Variants in SPTBN4 observed in about 807,000 individuals in gnomAD.
The protein encoded by SPTBN4 is spectrin beta chain, non-erythrocytic 4.
In SPTBN4, 96 loss-of-function variants were observed where a neutral mutation model predicts 277.8. That is an observed-to-expected ratio of 0.35 (90% CI 0.29 to 0.41). The LOEUF (loss-of-function observed/expected upper bound fraction) is 0.41, where lower values mean the gene tolerates loss of function less well. SPTBN4 is among the 10% of genes least tolerant of loss of function. The pLI is 1.00. For missense variants in SPTBN4, 3,006 were observed against 3,595.7 expected (o/e 0.84, Z 4.19); for synonymous variants, 1,481 against 1,580.3 (o/e 0.94, Z 1.49).
intron 30 of SPTBN4, 22 bp from the exon 31 acceptor site, chr19:40,567,641 A>G: frequency 1.4e-6 from 2 of 1,476,728 alleles, no homozygotes; most frequent in Non-Finnish European, 9.0e-7. Context: ...CTCCAACCTA[A>G]CCCTGGTCCC....
Position 40,504,145 on chromosome 19 carries a change from G to GC in SPTBN4, c.1665+13_1665+14insC. On this transcript the variant is annotated intron_variant, in intron 12 of 35. Transcript: ENST00000598249. ...GGAGGAGATGCAGGTGCCGGCGGGGGGGCGGGGATGCGGGTGGAGTGCCAG... is the reference window on the plus strand; with the variant it reads ...GGAGGAGATGCAGGTGCCGGCGGGGGCGGCGGGGATGCGGGTGGAGTGCCAG... The GC allele has an allele frequency of 8.4e-7, 1 of 1,188,250 alleles. No individual in the cohort carries two copies. Among genetic ancestry groups the GC allele is most frequent in the African/African-American group, 1.8e-5 (1 of 54,932 alleles). The allele number at this position is 1,188,250 out of a possible 1,614,324, so 73.6% of individuals were successfully genotyped here.
chr19:40,574,305 G>C (rs568620590), intron 35 of SPTBN4, among the ~76,000 whole-genome samples: 2 of 152,116 alleles, frequency 1.3e-5, no homozygotes, highest in African/African-American at 4.8e-5. Flanking sequence ...GAGATGTTGA[G>C]AGTAATAACT....
At chr19:40,530,690 G>T in intron 18 of SPTBN4, 1 of 542,738 alleles carries the variant, frequency 1.8e-6, no homozygotes, top group Non-Finnish European at 2.3e-6. Context: ...CCGCGGGAGG[G>T]AGGGGCGGGG....
In SPTBN4 at chr19:40,503,989, G is replaced by T. The variant is rs780153187; in HGVS notation, c.1522G>T (p.Ala508Ser). The change falls in exon 12 of 36, where the codon GCC (alanine) becomes TCC (serine). Residue 508 changes from alanine (A) to serine (S), a missense_variant. Ala to Ser is a moderately conservative substitution (Grantham distance 99). Coordinates refer to ENST00000598249, the MANE Select transcript of SPTBN4 (RefSeq NM_020971.3). ...CTACTACGATATCCGGCGGGTGGCA[G>T]CCCAGCGTGACAGCGTCCTGCGCCA... is the stretch of plus-strand genomic sequence containing the variant. ...EGYYDIRRVAAQRDSVLRQWA... is the reference protein window; with the variant it reads ...EGYYDIRRVASQRDSVLRQWA... 6.2e-7 allele frequency: 1 copy of T among 1,613,978 alleles called. No homozygotes were observed. The highest frequency in any genetic ancestry group is 1.1e-5 in the South Asian group (1 of 91,082).
At chr19:40,517,445 A>T (rs2080473750) in intron 15 of SPTBN4, among the ~76,000 whole-genome samples, 1 of 152,030 alleles carries the variant, frequency 6.6e-6, no homozygotes. Flanking sequence ...ATGGATGCAC[A>T]CCACTGCACC....
At chr19:40,482,833 T>C (rs1354548752) in intron 2 of SPTBN4, among the ~76,000 whole-genome samples, 1 of 151,942 alleles carries the variant, frequency 6.6e-6, no homozygotes, top group Non-Finnish European at 1.5e-5. Context: ...TCGTGGCGCA[T>C]GCCTGTAATC....
At chr19:40,536,091 GGAACAA>G (rs776001164) in intron 20 of SPTBN4, among the ~76,000 whole-genome samples, 3 of 152,108 alleles carry the variant, frequency 2.0e-5, no homozygotes, top group Non-Finnish European at 4.4e-5. Flanking sequence ...TCTGGTTGGG[GGAACAA>G]GCAAAAGAAC....
chr19:40,541,821 T>G (rs2080805315), intron 20 of SPTBN4, among the ~76,000 whole-genome samples: 1 of 152,206 alleles, frequency 6.6e-6, no homozygotes, highest in Non-Finnish European at 1.5e-5. Flanking sequence ...CTTGGCTCAC[T>G]GCAATCTCCG....
At chr19:40,489,653 G>A (rs1457034998) in intron 3 of SPTBN4, among the ~76,000 whole-genome samples, 1 of 152,182 alleles carries the variant, frequency 6.6e-6, no homozygotes, top group African/African-American at 2.4e-5. Context: ...CTCCCAAAGT[G>A]CTGGGATTAC....
chr19:40,560,830 G>A lies in SPTBN4; in HGVS notation c.5915+427G>A, dbSNP rs1452528225. The A allele has an allele frequency of 1.1e-6, 1 of 872,364 alleles. No homozygotes were observed. Among genetic ancestry groups the A allele is most frequent in the Admixed American group, 4.8e-5 (1 of 20,672 alleles). 54.0% of individuals were successfully genotyped at this position (872,364 alleles called of 1,614,324 possible). A position where few individuals can be genotyped will look rare whatever the true frequency, so the allele number is the denominator to read the frequency against. On this transcript the variant is annotated intron_variant, in intron 27 of 35. Transcript: ENST00000598249. This position sits in a 1 kb window ranked among gnomAD's most constrained non-coding sequence, Gnocchi z 5.2. The stretch of plus-strand genomic sequence containing the variant: ...GGATGTGAGTGTCCAGCAGAATCCT[G>A]TCCCCTGGTGATTGGGAGCCAGGGT...
At chr19:40,527,835 C>T (rs749632764) in intron 17 of SPTBN4, among the ~76,000 whole-genome samples, 7 of 152,098 alleles carry the variant, frequency 4.6e-5, no homozygotes, top group Non-Finnish European at 1.0e-4. Context: ...GCGGGTGGAT[C>T]ACTTGAGGTC....
chr19:40,484,406 A>G (rs1489485086), intron 2 of SPTBN4, among the ~76,000 whole-genome samples: 2 of 152,194 alleles, frequency 1.3e-5, no homozygotes, highest in Non-Finnish European at 1.5e-5. Flanking sequence ...TAAGCTGCCA[A>G]CAAATCGACT....
chr19:40,529,555 G>T (rs1394370588), intron 18 of SPTBN4, among the ~76,000 whole-genome samples: 2 of 152,154 alleles, frequency 1.3e-5, no homozygotes, highest in Non-Finnish European at 2.9e-5. Flanking sequence ...CCAAGCCCTC[G>T]CCCCTTTAAA....
At position 40,576,076 on chromosome 19, in the gene SPTBN4, G is replaced by A. The variant is rs566354053; in HGVS notation, c.*507G>A. Reference sequence around the variant, plus strand: ...TGCTGCCTTGATCTCTGTCTGGGAGGGGGGAGTGAAGGGGCCCTAGCCCCC... The same window carrying A: ...TGCTGCCTTGATCTCTGTCTGGGAGAGGGGAGTGAAGGGGCCCTAGCCCCC... On this transcript the variant is annotated 3_prime_UTR_variant, in exon 36 of 36. Transcript: ENST00000598249. The A allele has an allele frequency of 6.5e-6, 1 of 152,976 alleles. No individual in the cohort carries two copies. The highest frequency in any genetic ancestry group is 6.5e-5 in the Admixed American group (1 of 15,292). The allele number at this position is 152,976 out of a possible 1,614,324, so 9.5% of individuals were successfully genotyped here. A position where few individuals can be genotyped will look rare whatever the true frequency, so the allele number is the denominator to read the frequency against.
chr19:40,502,021 G>A lies in SPTBN4; in HGVS notation c.885G>A (p.Lys295=). The stretch of plus-strand genomic sequence containing the variant: ...TGAAGGCTCTGGCTGTGGAGGGGAA[G>A]CGTATCGGGAAGGTATAAGGAGCCA... ...SKMKALAVEG[K]RIGKVLDQVL... is the part of the protein sequence containing the mutation. The change falls in exon 8 of 36, where the codon AAG becomes AAA. Residue 295 remains lysine (K), a synonymous_variant. Transcript: ENST00000598249. This position sits in a 1 kb window ranked among gnomAD's most constrained non-coding sequence, Gnocchi z 4.9. The A allele has an allele frequency of 1.2e-6, 2 of 1,614,218 alleles. No homozygotes were observed. The highest frequency in any genetic ancestry group is 1.7e-6 in the Non-Finnish European group (2 of 1,180,044).
At chr19:40,472,914 G>A in intron 2 of SPTBN4, 124 bp downstream of exon 2, 3 of 979,766 alleles carry the variant, frequency 3.1e-6, no homozygotes, top group South Asian at 1.9e-5. Flanking sequence ...TTCCATGATG[G>A]TGGAAATAGT....
In SPTBN4 at chr19:40,572,058, A is replaced by C; in HGVS notation, c.7359A>C (p.Glu2453Asp). Residue 2453 changes from glutamate to aspartate, a missense_variant, in exon 34 of 36, where the codon GAA becomes GAC. Physicochemically the swap from Glu to Asp is conservative, Grantham distance 45 (BLOSUM62 2). This residue lies in a region of SPTBN4 where 630 missense variants were observed against 677.6 expected (regional missense o/e 0.93). Transcript: ENST00000598249. ...VSLYCVLSKG[E>D]LGFYKDSKGP... ...TGTACTGTGTGCTTAGTAAGGGGGA[A>C]CTGGGCTTCTACAAGGACTCCAAGG... The C allele has an allele frequency of 6.2e-7, 1 of 1,607,578 alleles. No homozygotes were observed. The highest frequency in any genetic ancestry group is 1.1e-5 in the South Asian group (1 of 90,246).
chr19:40,531,526 G>C (rs2145896701), intron 18 of SPTBN4, among the ~76,000 whole-genome samples: 1 of 126,578 alleles, frequency 7.9e-6, no homozygotes, highest in South Asian at 3.1e-4. Flanking sequence ...AGGATCTTGT[G>C]ACTGGAGTGG....
intron 29 of SPTBN4, 151 bp downstream of exon 29, chr19:40,565,896 G>A: frequency 1.1e-6 from 1 of 942,598 alleles, no homozygotes; most frequent in East Asian, 2.7e-5. Flanking sequence ...GTGGACAAGG[G>A]GGCTGCCTTG....
Sources: gnomAD v4.1 joint callset for allele counts (sites outside exome capture counted in the v4.1 genomes callset) on GRCh38, gnomAD v4.1.1 for gene constraint, gnomAD v4.1.1 regional missense constraint, Gnocchi (gnomAD v3.1) non-coding constraint, MANE v1.5 for transcripts, NCBI Gene and HGNC (gene_info 2026-07-23, HGNC 2026-07-21) for gene names.